GNAL: variants seen among roughly 807,000 people sequenced by gnomAD.
The protein encoded by GNAL is guanine nucleotide-binding protein G(olf) subunit alpha.
A neutral mutation model predicts 55.1 loss-of-function variants in GNAL; 18 were observed. The ratio of observed to expected loss-of-function variants is 0.33; its 90% confidence interval spans 0.23 to 0.48. GNAL has a LOEUF of 0.48. GNAL is among the 20% of genes least tolerant of loss of function. The probability of loss-of-function intolerance (pLI) is 0.99; values close to 1 mark genes in which losing one functional copy is unlikely to be tolerated. For synonymous variants in GNAL, 253 were observed against 237.0 expected, an observed-to-expected ratio of 1.07 and a Z score of -0.62; for missense variants, 412 against 614.1, an observed-to-expected ratio of 0.67 and a Z score of 3.48.
intron 4 of GNAL, among the ~76,000 whole-genome samples, chr18:11,815,606 T>C (rs1234174263): frequency 6.6e-6 from 1 of 152,118 alleles, no homozygotes; most frequent in Non-Finnish European, 1.5e-5. Flanking sequence ...ACCTCCAACA[T>C]TGGGGATTAC....
At chr18:11,880,828 C>T (rs1394376865) in intron 11 of GNAL, among the ~76,000 whole-genome samples, 161 bp from the exon 12 acceptor site, 5 of 152,252 alleles carry the variant, frequency 3.3e-5, no homozygotes, top group African/African-American at 9.6e-5. Flanking sequence ...GGGTCCTCGG[C>T]CGATGCTTGC....
At chr18:11,763,080 C>T (rs1251579267) in intron 4 of GNAL, among the ~76,000 whole-genome samples, 1 of 152,154 alleles carries the variant, frequency 6.6e-6, no homozygotes, top group African/African-American at 2.4e-5. Flanking sequence ...TTTTTCTTTG[C>T]AATATTATCA....
chr18:11,856,809 T>G (rs972805441), intron 5 of GNAL, among the ~76,000 whole-genome samples: 1 of 152,174 alleles, frequency 6.6e-6, no homozygotes, highest in African/African-American at 2.4e-5. Context: ...TGCACACCTG[T>G]AATCCCAGCT....
intron 4 of GNAL, among the ~76,000 whole-genome samples, chr18:11,798,887 C>T (rs1008126453): frequency 5.3e-5 from 8 of 151,710 alleles, no homozygotes; most frequent in Admixed American, 1.3e-4. Flanking sequence ...TTTGGGAGGC[C>T]GAGGCAGGCA....
At chr18:11,828,744 T>A (rs1014264129) in intron 5 of GNAL, among the ~76,000 whole-genome samples, 4 of 151,936 alleles carry the variant, frequency 2.6e-5, no homozygotes. Context: ...TATGTGAAAA[T>A]AAATCATGGA....
chr18:11,827,977 A>G (rs1042730013), intron 5 of GNAL, among the ~76,000 whole-genome samples: 1 of 90,424 alleles, frequency 1.1e-5, no homozygotes, highest in Non-Finnish European at 2.2e-5. Context: ...TCTCAAGGAA[A>G]AAAAAAAAAA....
rs35455680 is a variant in GNAL at position 11,703,795 on chromosome 18, G to GCACACACACACA, written c.376+13885_376+13896dup. ...GGGATAGGAGGCCCAGTGTTGATGG[G>GCACACACACACA]CACACACACACACACACACACACAC... is the stretch of plus-strand genomic sequence containing the variant. On this transcript the variant is annotated intron_variant, in intron 1 of 11. Coordinates refer to ENST00000334049, the MANE Select transcript of GNAL (RefSeq NM_182978.4). 8.4e-3 allele frequency among the ~76,000 whole-genome samples: 1,194 copies of GCACACACACACA among 141,476 alleles called. 11 individuals carry two copies. The highest frequency in any genetic ancestry group is 0.018 in the African/African-American group (683 of 37,936). 92.8% of individuals were successfully genotyped at this position (141,476 alleles called of 152,430 possible).
intron 5 of GNAL, among the ~76,000 whole-genome samples, chr18:11,836,108 T>C (rs1456368530): frequency 4.6e-5 from 7 of 151,962 alleles, no homozygotes; most frequent in Admixed American, 6.6e-5. Flanking sequence ...ATCATGCCAC[T>C]GCACTCCAGC....
intron 5 of GNAL, among the ~76,000 whole-genome samples, chr18:11,849,468 C>T (rs888143527): frequency 5.0e-4 from 73 of 147,126 alleles, no homozygotes; most frequent in African/African-American, 1.8e-3. Flanking sequence ...CACTACTGCA[C>T]TCCAGCCTGA....
At chr18:11,851,925 C>T (rs1461860266) in intron 5 of GNAL, 2 of 1,613,972 alleles carry the variant, frequency 1.2e-6, no homozygotes, top group Middle Eastern at 1.6e-4. Context: ...CGATGAGCAG[C>T]ACGACGACGC....
chr18:11,867,136 C>T (rs374936134), intron 7 of GNAL, 32 bp from the exon 8 acceptor site: 8 of 1,569,846 alleles, frequency 5.1e-6, no homozygotes, highest in Non-Finnish European at 7.0e-6. Context: ...CTGCTTCCCC[C>T]AAATAATTGT....
chr18:11,703,845 A>G (rs1442437813), intron 1 of GNAL, among the ~76,000 whole-genome samples: 1 of 150,514 alleles, frequency 6.6e-6, no homozygotes, highest in Non-Finnish European at 1.5e-5. Context: ...AGTGAAGTGC[A>G]GGAAGCTCTG....
At chr18:11,701,655 C>G (rs913949002) in intron 1 of GNAL, among the ~76,000 whole-genome samples, 6 of 152,032 alleles carry the variant, frequency 3.9e-5, no homozygotes, top group African/African-American at 1.4e-4. Flanking sequence ...AAGTTTGCAC[C>G]TGGCAGCTGG....
At chr18:11,708,520 A>C (rs2031765656) in intron 1 of GNAL, among the ~76,000 whole-genome samples, 1 of 152,210 alleles carries the variant, frequency 6.6e-6, no homozygotes, top group Non-Finnish European at 1.5e-5. Context: ...AAATATTTGG[A>C]ATATTGCAAA....
At chr18:11,730,041 CTTTT>C (rs924939523) in intron 1 of GNAL, among the ~76,000 whole-genome samples, 3 of 147,872 alleles carry the variant, frequency 2.0e-5, no homozygotes, top group African/African-American at 7.5e-5. Context: ...CTTTTCTTTT[CTTTT>C]TTTTTTGAGA....
At chr18:11,704,074 G>A (rs2031646904) in intron 1 of GNAL, among the ~76,000 whole-genome samples, 1 of 152,172 alleles carries the variant, frequency 6.6e-6, no homozygotes, top group Admixed American at 6.5e-5. Flanking sequence ...TGGATTTCTA[G>A]AGTAATCTCA....
At chr18:11,789,774 G>A (rs1004896467) in intron 4 of GNAL, among the ~76,000 whole-genome samples, 1 of 152,202 alleles carries the variant, frequency 6.6e-6, no homozygotes, top group Non-Finnish European at 1.5e-5. Flanking sequence ...TACATATACT[G>A]CTCATGTGGC....
intron 5 of GNAL, among the ~76,000 whole-genome samples, chr18:11,826,406 G>A: frequency 6.6e-6 from 1 of 151,880 alleles, no homozygotes; most frequent in African/African-American, 2.4e-5. Flanking sequence ...AGCATGGCTG[G>A]GGAAAGAAAG....
At chr18:11,784,401 A>G (rs1310604207) in intron 4 of GNAL, among the ~76,000 whole-genome samples, 2 of 152,202 alleles carry the variant, frequency 1.3e-5, no homozygotes, top group Non-Finnish European at 2.9e-5. Flanking sequence ...CTGTGTGTGC[A>G]GGAGATGGAA....
Sources: allele counts gnomAD v4.1 joint callset (sites outside exome capture counted in the v4.1 genomes callset), GRCh38; gene constraint gnomAD v4.1.1; transcripts MANE v1.5; gene names NCBI Gene and HGNC (gene_info 2026-07-23, HGNC 2026-07-21).